Variants in MYO3A observed in about 807,000 individuals in gnomAD.
The protein encoded by MYO3A is myosin IIIA, also known as myosin-IIIa.
MYO3A carries 180 observed loss-of-function variants against 192.7 expected under a neutral mutation model. The observed-to-expected ratio is 0.93, with a 90% CI of 0.83 to 1.06. MYO3A has a LOEUF of 1.06. MYO3A is among the 50% of genes least tolerant of loss of function. MYO3A has a pLI of 0.00. For synonymous variants in MYO3A, 628 were observed against 645.3 expected (o/e 0.97, Z 0.41); for missense variants, 1,896 against 1,905.0 (o/e 1.00, Z 0.09).
At chr10:26,094,606 A>T (rs889699658) in intron 15 of MYO3A, among the ~76,000 whole-genome samples, 5 of 151,870 alleles carry the variant, frequency 3.3e-5, no homozygotes, top group African/African-American at 1.2e-4. Flanking sequence ...TTGTATTTTT[A>T]GTAGAGACGG....
At chr10:26,029,502 A>G (rs1842711927) in intron 10 of MYO3A, among the ~76,000 whole-genome samples, 1 of 152,186 alleles carries the variant, frequency 6.6e-6, no homozygotes, top group Non-Finnish European at 1.5e-5. Context: ...CCAATTCACT[A>G]ATTTTCTCAT....
chr10:25,942,404 G>A (rs1489798079), intron 2 of MYO3A, among the ~76,000 whole-genome samples: 1 of 152,200 alleles, frequency 6.6e-6, no homozygotes, highest in Non-Finnish European at 1.5e-5. Flanking sequence ...TGCCATTAAT[G>A]TGGGTGTACA....
At chr10:26,190,481 G>T (rs907801688) in intron 31 of MYO3A, among the ~76,000 whole-genome samples, 1 of 152,062 alleles carries the variant, frequency 6.6e-6, no homozygotes, top group Non-Finnish European at 1.5e-5. Flanking sequence ...GGGATGGGAG[G>T]GTCAAACCTG....
chr10:26,146,414 G>A (rs1296262321), intron 22 of MYO3A, among the ~76,000 whole-genome samples: 1 of 152,194 alleles, frequency 6.6e-6, no homozygotes, highest in African/African-American at 2.4e-5. Context: ...CAGGCTGCAT[G>A]ACTTAAACAA....
At chr10:26,037,866 C>A (rs1843123835) in intron 10 of MYO3A, among the ~76,000 whole-genome samples, 1 of 152,160 alleles carries the variant, frequency 6.6e-6, no homozygotes, top group Non-Finnish European at 1.5e-5. Flanking sequence ...GATCTCATGA[C>A]AACAGCAAGG....
chr10:25,978,779 T>C (rs961933184), intron 4 of MYO3A, among the ~76,000 whole-genome samples: 1 of 152,188 alleles, frequency 6.6e-6, no homozygotes, highest in Non-Finnish European at 1.5e-5. Context: ...CAGGTGACAT[T>C]CAAGCCACAA....
At position 25,957,309 on chromosome 10, in the gene MYO3A, T is replaced by G. The variant is rs1465091267; in HGVS notation, c.303+2301T>G. Among the ~76,000 whole-genome samples, 4 of 152,120 alleles carry G rather than the reference T, an allele frequency of 2.6e-5. No individual in the cohort carries two copies. The East Asian group carries it at 7.7e-4, about 29-fold the overall frequency. ...CTGATGGTTTTATAAGGGGAAAATT[T>G]CCCTGCATAAGCTCTCTCCTTGCCT... On this transcript the variant is annotated intron_variant, in intron 4 of 34. Coordinates refer to ENST00000642920, the MANE Select transcript of MYO3A (RefSeq NM_017433.5).
Position 26,056,536 on chromosome 10 carries a change from A to C in MYO3A, c.954-10439A>C, listed in dbSNP as rs1291878618. Among the ~76,000 whole-genome samples, 5 of 152,216 alleles carry C rather than the reference A, an allele frequency of 3.3e-5. No homozygotes were observed. In the East Asian group the frequency reaches 9.6e-4, roughly 29 times the overall value. On this transcript the variant is annotated intron_variant, in intron 10 of 34. Coordinates refer to ENST00000642920, the MANE Select transcript of MYO3A (RefSeq NM_017433.5). ...TACCAAACATATCTATAGCACATGT[A>C]AATGGATAATGGCAGGGCATATGTC...
At chr10:26,009,245 G>A (rs996514765) in intron 6 of MYO3A, among the ~76,000 whole-genome samples, 16 of 151,920 alleles carry the variant, frequency 1.1e-4, no homozygotes, top group African/African-American at 3.4e-4. Flanking sequence ...GGGGAGGGAG[G>A]AGGGATAGCT....
intron 4 of MYO3A, among the ~76,000 whole-genome samples, chr10:25,991,533 C>T (rs1338830098): frequency 6.6e-6 from 1 of 152,008 alleles, no homozygotes; most frequent in East Asian, 1.9e-4. Context: ...TCCCATTTGT[C>T]AATTTTGGCT....
intron 6 of MYO3A, among the ~76,000 whole-genome samples, chr10:26,003,111 C>T (rs192790215): frequency 2.0e-3 from 304 of 152,238 alleles, no homozygotes; most frequent in Non-Finnish European, 3.3e-3. Flanking sequence ...TGCACATCTA[C>T]AAGTGTGAAA....
At chr10:25,982,630 C>T (rs11014883) in intron 4 of MYO3A, among the ~76,000 whole-genome samples, 14,454 of 152,088 alleles carry the variant, frequency 0.095, 1,199 homozygotes, top group African/African-American at 0.22. Context: ...TCTTTGCAGA[C>T]GCTCCTCAGT....
intron 29 of MYO3A, 24 bp downstream of exon 29, chr10:26,170,563 C>A: frequency 1.3e-6 from 2 of 1,596,996 alleles, no homozygotes; most frequent in Non-Finnish European, 1.7e-6. Context: ...CATTCTTATA[C>A]CGTTGTAACA....
intron 10 of MYO3A, among the ~76,000 whole-genome samples, chr10:26,062,127 G>A (rs547191148): frequency 7.2e-4 from 109 of 152,172 alleles, no homozygotes; most frequent in Admixed American, 3.5e-3. Context: ...TTATTCATGG[G>A]ATACAACAAG....
chr10:26,096,537 A>G, intron 16 of MYO3A, 31 bp from the exon 17 acceptor site: 1 of 1,595,772 alleles, frequency 6.3e-7, no homozygotes, highest in East Asian at 2.2e-5. Context: ...TTAATTTTAG[A>G]CTTTTATCCT....
In MYO3A at chr10:25,996,470, C is replaced by T; in HGVS notation, c.304-20C>T. On this transcript the variant is annotated intron_variant, in intron 4 of 34. Coordinates refer to ENST00000642920, the MANE Select transcript of MYO3A (RefSeq NM_017433.5). ...AATGTCACATGTTTTTAATAGCCAT[C>T]TTAAAATATTCTTGTTTAGCTCTGC... 6.3e-7 allele frequency: 1 copy of T among 1,593,434 alleles called. No homozygotes were observed. Among genetic ancestry groups the T allele is most frequent in the Non-Finnish European group, 8.6e-7 (1 of 1,161,450 alleles).
Position 26,157,495 on chromosome 10 carries a change from T to C in MYO3A, c.2979T>C (p.Leu993=). ...IRRLGFSHRI[L]FANFIKRYYL... ...GACTAGGATTCTCCCATCGGATACT[T>C]TTTGCTAACTTTATAAAGCGGTATG... Residue 993 remains leucine, a synonymous_variant, in exon 26 of 35, where the codon CTT becomes CTC. Coordinates refer to ENST00000642920, the MANE Select transcript of MYO3A (RefSeq NM_017433.5). 1 of 1,614,044 alleles carries C rather than the reference T, an allele frequency of 6.2e-7. No individual in the cohort carries two copies. The highest frequency in any genetic ancestry group is 1.3e-5 in the African/African-American group (1 of 75,040).
At chr10:25,941,189 T>A (rs1836464363) in intron 2 of MYO3A, among the ~76,000 whole-genome samples, 1 of 152,188 alleles carries the variant, frequency 6.6e-6, no homozygotes, top group Non-Finnish European at 1.5e-5. Flanking sequence ...AAAAGACTGT[T>A]GTCACTTCTC....
At chr10:25,984,764 C>A (rs1240352816) in intron 4 of MYO3A, among the ~76,000 whole-genome samples, 1 of 152,094 alleles carries the variant, frequency 6.6e-6, no homozygotes, top group East Asian at 1.9e-4. Flanking sequence ...CAAAATCATG[C>A]AAATACATGG....
Sources: gnomAD v4.1 joint callset for allele counts (sites outside exome capture counted in the v4.1 genomes callset) on GRCh38, gnomAD v4.1.1 for gene constraint, MANE v1.5 for transcripts, NCBI Gene and HGNC (gene_info 2026-07-23, HGNC 2026-07-21) for gene names.